RP1: variants seen among roughly 807,000 people sequenced by gnomAD.
The protein encoded by RP1 is RP1 axonemal microtubule associated, also known as oxygen-regulated protein 1.
A neutral mutation model predicts 14.8 loss-of-function variants in RP1; 16 were observed. That is an observed-to-expected ratio of 1.08 (90% CI 0.73 to 1.65). RP1 has a LOEUF of 1.65. RP1 is among the 40% of genes most tolerant of loss of function. RP1 has a pLI of 0.00. For missense variants in RP1, 2,631 were observed against 2,535.0 expected, an observed-to-expected ratio of 1.04 and a Z score of -0.81; for synonymous variants, 876 against 883.6, an observed-to-expected ratio of 0.99 and a Z score of 0.15.
upstream of RP1, among the ~76,000 whole-genome samples, chr8:54,615,794 G>A (rs1805703463): frequency 6.6e-6 from 1 of 152,200 alleles, no homozygotes; most frequent in Admixed American, 6.5e-5. Flanking sequence ...TTTTTAGCCT[G>A]CACAATAACA....
At chr8:54,715,957 TG>T (rs937891412) in intron 15 of RP1, among the ~76,000 whole-genome samples, 2 of 152,200 alleles carry the variant, frequency 1.3e-5, no homozygotes, top group African/African-American at 4.8e-5. Context: ...AGTTCAGTGT[TG>T]GTTTGGAAAT....
At chr8:54,677,003 A>G (rs1308012415) in intron 8 of RP1, among the ~76,000 whole-genome samples, 1 of 151,876 alleles carries the variant, frequency 6.6e-6, no homozygotes, top group Non-Finnish European at 1.5e-5. Context: ...TATGTGAATC[A>G]TCTGTGGCAG....
chr8:54,624,401 C>T lies in RP1; in HGVS notation c.788-269C>T, dbSNP rs529089597. Among the ~76,000 whole-genome samples the T allele has an allele frequency of 1.9e-4, 25 of 131,322 alleles. No homozygotes were observed. In the South Asian group the frequency reaches 5.0e-3, roughly 26 times the overall value. The allele number at this position is 131,322 out of a possible 152,430, so 86.2% of individuals were successfully genotyped here. On this transcript the variant is annotated intron_variant, in intron 3 of 3. Transcript: ENST00000220676. The stretch of plus-strand genomic sequence containing the variant: ...TGGAGGTAGCAGTGAGCCCAGATCA[C>T]GCCACTGCATTCCAGCCTGGTGACA...
intron 22 of RP1, chr8:54,769,613 T>C: frequency 4.5e-6 from 3 of 663,088 alleles, no homozygotes; most frequent in Non-Finnish European, 5.1e-6. Flanking sequence ...AAAAGCAACT[T>C]TATAGTTAAC....
intron 15 of RP1, among the ~76,000 whole-genome samples, chr8:54,716,574 A>T (rs140797812): frequency 6.6e-6 from 1 of 152,270 alleles, no homozygotes; most frequent in East Asian, 1.9e-4. Context: ...ATTTTGGGCA[A>T]CATAGGGCTT....
chr8:54,699,466 G>T lies in RP1; in HGVS notation c.1718-1G>T. 7.5e-7 allele frequency: 1 copy of T among 1,342,062 alleles called. No homozygotes were observed. The highest frequency in any genetic ancestry group is 9.7e-7 in the Non-Finnish European group (1 of 1,032,938). 83.1% of individuals were successfully genotyped at this position (1,342,062 alleles called of 1,614,324 possible). On this transcript the variant is annotated splice_acceptor_variant, in intron 12 of 22. Transcript: ENST00000636932. LOFTEE classifies it high-confidence loss of function. ...TCTAATACTTTAAAAATGTTTTCCAGGTGTCTTTGATGTTATTTTCAACAA... is the reference window on the plus strand; with the variant it reads ...TCTAATACTTTAAAAATGTTTTCCATGTGTCTTTGATGTTATTTTCAACAA...
chr8:54,690,296 T>A (rs1186342653), intron 12 of RP1, among the ~76,000 whole-genome samples: 2 of 152,080 alleles, frequency 1.3e-5, no homozygotes, highest in Non-Finnish European at 2.9e-5. Flanking sequence ...AGTTCTTGTC[T>A]CTGTCTGGTT....
At chr8:54,679,576 C>G (rs745670279) in intron 10 of RP1, 2 of 1,535,836 alleles carry the variant, frequency 1.3e-6, no homozygotes, top group South Asian at 2.4e-5. Context: ...AAATTAATTG[C>G]CCTCTCTTTA....
intron 1 of RP1, among the ~76,000 whole-genome samples, chr8:54,593,577 C>T (rs1805083596): frequency 6.6e-6 from 1 of 152,178 alleles, no homozygotes; most frequent in Non-Finnish European, 1.5e-5. Flanking sequence ...ATCTCATGGC[C>T]ATCTGGTATA....
chr8:54,560,390 G>A, intron 1 of RP1: 1 of 152,378 alleles, frequency 6.6e-6, no homozygotes, highest in Non-Finnish European at 1.5e-5. Flanking sequence ...AGCTGGAGCT[G>A]GAAGGAGCAT....
intron 24 of RP1, among the ~76,000 whole-genome samples, chr8:54,787,297 G>C (rs964551300): frequency 6.6e-6 from 1 of 152,106 alleles, no homozygotes; most frequent in African/African-American, 2.4e-5. Flanking sequence ...GCAGAGAGGA[G>C]TTTCTAGAGA....
At chr8:54,771,128 T>A (rs948145618), downstream of RP1, among the ~76,000 whole-genome samples, 10 of 152,086 alleles carry the variant, frequency 6.6e-5, no homozygotes, top group Non-Finnish European at 1.2e-4. Flanking sequence ...TATTAGGAAC[T>A]GTGTTTCAGC....
At chr8:54,701,574 C>A in exon 14 of RP1, 1 of 1,535,708 alleles carries the variant, frequency 6.5e-7, no homozygotes, top group Non-Finnish European at 8.7e-7. Flanking sequence ...CCTGGTCACA[C>A]AGTTGTTTTT....
In RP1 at chr8:54,860,681, T is replaced by G. The variant is rs1271652340; in HGVS notation, c.4069+3575T>G. ...TCCCCAGGGTTCTTTGTTGAGGGAC[T>G]GCAGGATGCCAGTCCCTGGGTGGAT... On this transcript the variant is annotated intron_variant, in intron 27 of 28. Coordinates refer to the RP1 transcript ENST00000637698. 2.0e-5 allele frequency among the ~76,000 whole-genome samples: 3 copies of G among 152,240 alleles called. No individual in the cohort carries two copies. The East Asian group carries it at 5.8e-4, about 29-fold the overall frequency.
At position 54,861,708 on chromosome 8, in the gene RP1, T is replaced by C. The variant is rs545726619; in HGVS notation, c.4070-4127T>C. Among the ~76,000 whole-genome samples the C allele has an allele frequency of 2.0e-5, 3 of 152,300 alleles. No individual in the cohort carries two copies. The East Asian group carries it at 5.8e-4, about 29-fold the overall frequency. The stretch of plus-strand genomic sequence containing the variant: ...ACCTCCATCTCCTGGGTTCAAGCAA[T>C]GCTTCTGCCTCAGCCTCCCGAGTGG... On this transcript the variant is annotated intron_variant, in intron 27 of 28. Coordinates refer to the RP1 transcript ENST00000637698.
chr8:54,646,529 A>G (rs893751606), intron 3 of RP1, among the ~76,000 whole-genome samples: 5 of 152,156 alleles, frequency 3.3e-5, no homozygotes, highest in Non-Finnish European at 7.4e-5. Context: ...TAATGACCCA[A>G]TGACTTGTTG....
chr8:54,621,337 C>A lies in RP1; in HGVS notation c.371C>A (p.Pro124Gln). 6.2e-7 allele frequency: 1 copy of A among 1,611,776 alleles called. No homozygotes were observed. The highest frequency in any genetic ancestry group is 1.1e-5 in the South Asian group (1 of 91,024). ...PVDLDKARRR[P>Q]RPWLSSRAIS... Reference sequence around the variant, plus strand: ...GACCTGGACAAAGCCCGTCGGCGCCCGCGGCCCTGGCTCAGCAGCCGGGCC... The same window carrying A: ...GACCTGGACAAAGCCCGTCGGCGCCAGCGGCCCTGGCTCAGCAGCCGGGCC... The change falls in exon 2 of 4, where the codon CCG becomes CAG. Residue 124 changes from proline (P) to glutamine (Q), a missense_variant. By Grantham distance (76) the Pro-to-Gln change is moderately conservative. Coordinates refer to ENST00000220676, the MANE Select transcript of RP1 (RefSeq NM_006269.2).
In RP1 at chr8:54,629,331, A is replaced by T; in HGVS notation, c.5449A>T (p.Asn1817Tyr). 1 of 1,614,026 alleles carries T rather than the reference A, an allele frequency of 6.2e-7. No individual in the cohort carries two copies. The highest frequency in any genetic ancestry group is 8.5e-7 in the Non-Finnish European group (1 of 1,179,944). ...ELTQPLELKC[N>Y]YFNMPHGSDS... ...GACTCAACCCCTTGAACTAAAATGC[A>T]ATTACTTTAACATGCCTCATGGTAG... Residue 1817 changes from asparagine (N) to tyrosine (Y), a missense_variant, in exon 4 of 4, where the codon AAT (asparagine) becomes TAT (tyrosine). Asn to Tyr is a moderately radical substitution (Grantham distance 143). Transcript: ENST00000220676.
At chr8:54,738,989 A>G (rs1275723460) in exon 19 of RP1, 1 of 1,531,410 alleles carries the variant, frequency 6.5e-7, no homozygotes, top group Non-Finnish European at 8.7e-7. Flanking sequence ...AGGATAGGAC[A>G]TGATGGAACC....
Sources: allele counts gnomAD v4.1 joint callset (sites outside exome capture counted in the v4.1 genomes callset), GRCh38; gene constraint gnomAD v4.1.1; transcripts MANE v1.5; gene names NCBI Gene and HGNC (gene_info 2026-07-23, HGNC 2026-07-21).